SYS1: variants seen among roughly 807,000 people sequenced by gnomAD.
SYS1 encodes protein SYS1 homolog.
In SYS1, 8 loss-of-function variants were observed where a neutral mutation model predicts 17.8. The ratio of observed to expected loss-of-function variants is 0.45; its 90% confidence interval spans 0.26 to 0.81. The LOEUF is 0.81. SYS1 is among the 40% of genes least tolerant of loss of function. The pLI, the probability that SYS1 is intolerant of heterozygous loss-of-function variation, is 0.16. For missense variants in SYS1, 161 were observed against 203.9 expected (o/e 0.79, Z 1.28); for synonymous variants, 95 against 90.9 (o/e 1.05, Z -0.26).
In SYS1 at chr20:45,363,165, G is replaced by T; in HGVS notation, c.-154G>T. ...TTCCCCGGAAACGTTTCTTTCCTAC[G>T]CAGCCGCTCCTGCCGCCGTGGTCGC... On this transcript the variant is annotated 5_prime_UTR_variant, in exon 1 of 4. Coordinates refer to ENST00000243918, the MANE Select transcript of SYS1 (RefSeq NM_033542.4). The T allele has an allele frequency of 9.7e-7, 1 of 1,033,194 alleles. No homozygotes were observed. The allele number at this position is 1,033,194 out of a possible 1,614,324, so 64.0% of individuals were successfully genotyped here.
chr20:45,374,865 A>T, exon 4 of SYS1: 1 of 799,500 alleles, frequency 1.3e-6, no homozygotes, highest in Non-Finnish European at 1.9e-6. Context: ...ACCCTTCTGT[A>T]TGATGTTGGT....
Position 45,363,509 on chromosome 20 carries a change from C to T in SYS1, c.-3-20C>T. The T allele has an allele frequency of 1.1e-5, 18 of 1,576,444 alleles. No individual in the cohort carries two copies. Among genetic ancestry groups the T allele is most frequent in the Non-Finnish European group, 1.5e-5 (17 of 1,163,226 alleles). ...CATGGAGACAGGCCGCTGGCTGAGGCCCGGCTCGTGTCCCTGCAGGGCATG... is the reference window on the plus strand; with the variant it reads ...CATGGAGACAGGCCGCTGGCTGAGGTCCGGCTCGTGTCCCTGCAGGGCATG... On this transcript the variant is annotated intron_variant, in intron 1 of 3. Transcript: ENST00000243918.
At chr20:45,370,996 A>C (rs2743439), downstream of SYS1, among the ~76,000 whole-genome samples, 119,311 of 152,096 alleles carry the variant, frequency 0.78, 47,011 homozygotes, top group African/African-American at 0.83. Flanking sequence ...AGTCACAGTC[A>C]TAGGTCCAAT....
chr20:45,363,152 G>A (rs2145346398), upstream of SYS1: 1 of 1,024,964 alleles, frequency 9.8e-7, no homozygotes, highest in East Asian at 9.6e-5. Flanking sequence ...CCCCGGAAAC[G>A]TTTCTTTCCT....
downstream of SYS1, among the ~76,000 whole-genome samples, chr20:45,370,144 C>T (rs1200622907): frequency 4.6e-5 from 7 of 152,076 alleles, no homozygotes; most frequent in African/African-American, 1.4e-4. Flanking sequence ...AGGCTGGTCT[C>T]GAACTCTTGG....
At chr20:45,364,022 G>A (rs1488130700) in intron 2 of SYS1, among the ~76,000 whole-genome samples, 1 of 152,196 alleles carries the variant, frequency 6.6e-6, no homozygotes, top group East Asian at 1.9e-4. Flanking sequence ...GAGAGGGGTG[G>A]ATAAAAGAGC....
downstream of SYS1, chr20:45,372,926 C>CG (rs1988598341): frequency 3.6e-4 from 1 of 2,798 alleles, no homozygotes; most frequent in Non-Finnish European, 6.0e-4. Context: ...TGTGAGTGGG[C>CG]GGGGTGGGAG....
Position 45,367,645 on chromosome 20 carries a change from C to T in SYS1, c.*530C>T. 8 of 991,058 alleles carry T rather than the reference C, an allele frequency of 8.1e-6. No homozygotes were observed. In the South Asian group the frequency reaches 3.2e-4, roughly 39 times the overall value. The allele number at this position is 991,058 out of a possible 1,614,324, so 61.4% of individuals were successfully genotyped here. ...TAGGTGTGAAGTATTAGGCTGCTGTCAGGGAGAGGATGGCAGATGGAGGCA... is the reference window on the plus strand; with the variant it reads ...TAGGTGTGAAGTATTAGGCTGCTGTTAGGGAGAGGATGGCAGATGGAGGCA... On this transcript the variant is annotated 3_prime_UTR_variant, in exon 4 of 4. Transcript: ENST00000243918.
rs779736616 is a variant in SYS1 at position 45,363,669 on chromosome 20, G to C, written c.138G>C (p.Ser46=). ...LVDGLVRSSP[S]LDQMFDAEIL... ...ACGGGCTAGTGCGAAGCAGCCCCTC[G>C]CTGGACCAGATGTTCGACGCCGAGG... Residue 46 remains serine (S), a synonymous_variant, in exon 2 of 4, where the codon TCG becomes TCC. Transcript: ENST00000243918. The C allele has an allele frequency of 1.1e-5, 17 of 1,571,912 alleles. No homozygotes were observed. The South Asian group carries it at 1.7e-4, about 16-fold the overall frequency.
chr20:45,363,220 C>T lies in SYS1; in HGVS notation c.-99C>T. ...GCTTTGCCTCTCTAGGCCGGCAGCG[C>T]CTCTCCTCCATGGTCCTGTCTGTCA... On this transcript the variant is annotated 5_prime_UTR_variant, in exon 1 of 4. Transcript: ENST00000243918. The T allele has an allele frequency of 4.5e-6, 5 of 1,115,380 alleles. No homozygotes were observed. Among genetic ancestry groups the T allele is most frequent in the Non-Finnish European group, 5.5e-6 (5 of 909,744 alleles). The allele number at this position is 1,115,380 out of a possible 1,614,324, so 69.1% of individuals were successfully genotyped here. A position where few individuals can be genotyped will look rare whatever the true frequency, so the allele number is the denominator to read the frequency against.
At chr20:45,374,945 CT>C in exon 4 of SYS1, 1 of 1,515,172 alleles carries the variant, frequency 6.6e-7, no homozygotes, top group Non-Finnish European at 8.9e-7. Context: ...CCACTCAAGA[CT>C]CCAGATCCTG....
intron 2 of SYS1, 56 bp downstream of exon 2, chr20:45,363,749 G>A: frequency 6.6e-7 from 1 of 1,519,724 alleles, no homozygotes. Context: ...TAGGCTTTGT[G>A]GTCCATCACT....
At position 45,367,495 on chromosome 20, in the gene SYS1, CT is replaced by C; in HGVS notation, c.*381del. The C allele has an allele frequency of 1.8e-5, 19 of 1,028,068 alleles. No homozygotes were observed. Among genetic ancestry groups the C allele is most frequent in the Non-Finnish European group, 2.1e-5 (18 of 859,226 alleles). 63.7% of individuals were successfully genotyped at this position (1,028,068 alleles called of 1,614,324 possible). On this transcript the variant is annotated 3_prime_UTR_variant, in exon 4 of 4. Transcript: ENST00000243918. The stretch of plus-strand genomic sequence containing the variant: ...TTCTTTAGTCATCTGTCTTACCCCC[CT>C]GGGACAGCTGTTACCTTTGCAGTGT...
At position 45,367,488 on chromosome 20, in the gene SYS1, T is replaced by C; in HGVS notation, c.*373T>C. ...AAACCACTTCTTTAGTCATCTGTCT[T>C]ACCCCCCTGGGACAGCTGTTACCTT... On this transcript the variant is annotated 3_prime_UTR_variant, in exon 4 of 4. Transcript: ENST00000243918. 4.7e-6 allele frequency: 5 copies of C among 1,064,782 alleles called. No homozygotes were observed. Among genetic ancestry groups the C allele is most frequent in the Non-Finnish European group, 5.7e-6 (5 of 877,218 alleles). The allele number at this position is 1,064,782 out of a possible 1,614,324, so 66.0% of individuals were successfully genotyped here.
downstream of SYS1, chr20:45,373,782 G>T: frequency 1.1e-6 from 1 of 870,168 alleles, no homozygotes; most frequent in Non-Finnish European, 1.8e-6. Context: ...TCGGGGTGGG[G>T]GTGGGGGAAG....
In SYS1 at chr20:45,363,611, A is replaced by T; in HGVS notation, c.80A>T (p.Tyr27Phe). The change falls in exon 2 of 4, where the codon TAC becomes TTC. Residue 27 changes from tyrosine to phenylalanine, a missense_variant. Coordinates refer to ENST00000243918, the MANE Select transcript of SYS1 (RefSeq NM_033542.4). ...ATCGTCCTCATGCAGACCGTGTATT[A>T]CGGCTCGCTGGGCCTGTGGCTGGCG... ...SQIVLMQTVY[Y>F]GSLGLWLALV... 12 of 1,597,114 alleles carry T rather than the reference A, an allele frequency of 7.5e-6. No individual in the cohort carries two copies. The highest frequency in any genetic ancestry group is 1.0e-5 in the Non-Finnish European group (12 of 1,172,788).
At chr20:45,374,232 C>T (rs1988649649) in intron 3 of SYS1, 3 of 686,754 alleles carry the variant, frequency 4.4e-6, no homozygotes, top group Non-Finnish European at 7.9e-6. Flanking sequence ...GTATTTTCTT[C>T]TTTTTTTGCT....
At chr20:45,374,106 T>C (rs1988643975), downstream of SYS1, 1 of 1,183,038 alleles carries the variant, frequency 8.5e-7, no homozygotes, top group Non-Finnish European at 1.2e-6. Flanking sequence ...TGCTGTGGTG[T>C]CTGGTAGGTT....
downstream of SYS1, chr20:45,373,730 C>G (rs1988628281): frequency 1.6e-6 from 1 of 610,678 alleles, no homozygotes; most frequent in Admixed American, 2.8e-5. Context: ...GGGAGGGGTG[C>G]TGCTCGCTGG....
Sources: allele counts gnomAD v4.1 joint callset (sites outside exome capture counted in the v4.1 genomes callset), GRCh38; gene constraint gnomAD v4.1.1; transcripts MANE v1.5; gene names NCBI Gene and HGNC (gene_info 2026-07-23, HGNC 2026-07-21).